ADGRL2: variants seen among roughly 807,000 people sequenced by gnomAD.
ADGRL2 encodes the protein calcium-independent alpha-latrotoxin receptor 2.
Under a neutral mutation model 157.4 loss-of-function variants are expected in ADGRL2, and 44 were observed. The ratio of observed to expected loss-of-function variants is 0.28; its 90% CI spans 0.22 to 0.36. The LOEUF is 0.36. ADGRL2 is among the 10% of genes least tolerant of loss of function. The pLI is 1.00. For synonymous variants in ADGRL2, 585 were observed against 624.7 expected (o/e 0.94, Z 0.95); for missense variants, 1,510 against 1,768.9 (o/e 0.85, Z 2.63).
At chr1:81,590,161 C>A (rs2081103802) in intron 3 of ADGRL2, among the ~76,000 whole-genome samples, 1 of 152,142 alleles carries the variant, frequency 6.6e-6, no homozygotes, top group African/African-American at 2.4e-5. Context: ...GTTCCTGTCT[C>A]ATGGAGACCC....
intron 1 of ADGRL2, among the ~76,000 whole-genome samples, chr1:81,332,211 T>A (rs1165129140): frequency 6.6e-6 from 1 of 152,166 alleles, no homozygotes; most frequent in Non-Finnish European, 1.5e-5. Flanking sequence ...AAGTTTTATA[T>A]TCAGAAATAT....
intron 1 of ADGRL2, among the ~76,000 whole-genome samples, chr1:81,746,914 A>G (rs918278610): frequency 1.3e-5 from 2 of 149,688 alleles, no homozygotes; most frequent in Non-Finnish European, 3.0e-5. Flanking sequence ...ACACGTGCAC[A>G]CGTATATACG....
chr1:81,979,951 A>G lies in ADGRL2; in HGVS notation c.3104A>G (p.Glu1035Gly). Residue 1035 changes from glutamate (E) to glycine (G), a missense_variant, in exon 18 of 24, where the codon GAA becomes GGA. Glu to Gly is a moderately conservative substitution (Grantham distance 98). Around this residue, in one of 4 missense-constraint regions of ADGRL2, gnomAD observed 497 missense variants for 627.2 expected, o/e 0.79. Coordinates refer to ENST00000686636, the MANE Select transcript of ADGRL2 (RefSeq NM_001366006.2). ...NTLKPDSSRL[E>G]NIKSWVLGAF... ...TTGAAACCAGATTCTAGCAGGTTGG[A>G]AAACATTAAGTAAGTATTTTGTATT... 1 of 1,589,306 alleles carries G rather than the reference A, an allele frequency of 6.3e-7. No individual in the cohort carries two copies. Among genetic ancestry groups the G allele is most frequent in the South Asian group, 1.1e-5 (1 of 90,372 alleles).
At chr1:81,341,035 T>A (rs1009132739) in intron 1 of ADGRL2, among the ~76,000 whole-genome samples, 1 of 152,080 alleles carries the variant, frequency 6.6e-6, no homozygotes, top group African/African-American at 2.4e-5. Flanking sequence ...TTGAAACCTA[T>A]CACATGTCTA....
rs542679261 is a variant in ADGRL2, at chr1:81,812,937, GT to G, written c.-101+11872del. On this transcript the variant is annotated intron_variant, in intron 1 of 23. Coordinates refer to ENST00000686636, the MANE Select transcript of ADGRL2 (RefSeq NM_001366006.2). ...AGTACTTGATTGAAACCTGAATTCT[GT>G]TTATGACTCTGTGCCAGCTGAATTT... 3.4e-4 allele frequency among the ~76,000 whole-genome samples: 52 copies of G among 151,906 alleles called. No homozygotes were observed. In the South Asian group the frequency reaches 0.011, roughly 31 times the overall value.
At chr1:81,435,977 C>A (rs2101645274) in intron 1 of ADGRL2, among the ~76,000 whole-genome samples, 1 of 152,172 alleles carries the variant, frequency 6.6e-6, no homozygotes, top group Middle Eastern at 3.4e-3. Context: ...ATGCTGTAAT[C>A]CCAGCTACTC....
chr1:81,697,885 TAG>T (rs961927947), upstream of ADGRL2, among the ~76,000 whole-genome samples: 6 of 152,108 alleles, frequency 3.9e-5, no homozygotes, highest in Non-Finnish European at 8.8e-5. Context: ...TTATTAGAAA[TAG>T]AGTGCAGAAC....
chr1:81,984,557 C>A, intron 19 of ADGRL2, 26 bp from the exon 20 acceptor site: 2 of 1,560,288 alleles, frequency 1.3e-6, no homozygotes, highest in Non-Finnish European at 8.7e-7. Flanking sequence ...ATATTAATCC[C>A]TTGGTCTTGT....
rs1648884007 is a variant in ADGRL2, at chr1:81,943,874, TAAAGGAC to T, written c.1210+115_1210+121del. On this transcript the variant is annotated intron_variant, in intron 6 of 23. Coordinates refer to ENST00000686636, the MANE Select transcript of ADGRL2 (RefSeq NM_001366006.2). This position sits in a 1 kb window ranked among gnomAD's most constrained non-coding sequence, Gnocchi z 5.6. ...CCTATTTTCTTCCCCTTTTCATAGT[TAAAGGAC>T]AAAGGACAATGTTGTGGTACATTTT... 1 of 835,270 alleles carries T rather than the reference TAAAGGAC, an allele frequency of 1.2e-6. No homozygotes were observed. The highest frequency in any genetic ancestry group is 1.9e-6 in the Non-Finnish European group (1 of 533,430). 51.7% of individuals were successfully genotyped at this position (835,270 alleles called of 1,614,324 possible). A position where few individuals can be genotyped will look rare whatever the true frequency, so the allele number is the denominator to read the frequency against.
chr1:81,942,211 G>A (rs2148940852), intron 5 of ADGRL2, among the ~76,000 whole-genome samples, 166 bp downstream of exon 5: 1 of 151,962 alleles, frequency 6.6e-6, no homozygotes, highest in Non-Finnish European at 1.5e-5. Flanking sequence ...TTGTATGACT[G>A]CTAAACCTGG....
intron 2 of ADGRL2, among the ~76,000 whole-genome samples, chr1:81,519,290 G>A (rs1271935574): frequency 6.6e-6 from 1 of 152,046 alleles, no homozygotes; most frequent in East Asian, 1.9e-4. Flanking sequence ...TCTACCTATA[G>A]GTATTATCCA....
intron 1 of ADGRL2, among the ~76,000 whole-genome samples, chr1:81,396,138 C>A (rs4285743): frequency 0.45 from 69,085 of 151,984 alleles, 17,139 homozygotes; most frequent in East Asian, 0.9. Context: ...AATCCATGAG[C>A]ATGGGAAGTC....
chr1:81,577,939 C>T (rs1170521015), intron 2 of ADGRL2, among the ~76,000 whole-genome samples: 1 of 152,106 alleles, frequency 6.6e-6, no homozygotes, highest in Non-Finnish European at 1.5e-5. Flanking sequence ...ATTAGGAAAG[C>T]ATTTAAAGTA....
At chr1:81,817,427 TAATA>T (rs1259609541) in intron 1 of ADGRL2, among the ~76,000 whole-genome samples, 1 of 152,108 alleles carries the variant, frequency 6.6e-6, no homozygotes, top group Admixed American at 6.6e-5. Flanking sequence ...ATGAATTTGG[TAATA>T]AATCTAGAAA....
intron 1 of ADGRL2, among the ~76,000 whole-genome samples, chr1:81,436,729 C>T (rs948693449): frequency 6.6e-6 from 1 of 152,172 alleles, no homozygotes; most frequent in Non-Finnish European, 1.5e-5. Context: ...ATCAGTATGC[C>T]AGGGACTGGT....
At chr1:81,362,689 T>C (rs538386228) in intron 1 of ADGRL2, among the ~76,000 whole-genome samples, 1 of 152,090 alleles carries the variant, frequency 6.6e-6, no homozygotes, top group South Asian at 2.1e-4. Context: ...GTTTTTTAAC[T>C]GAAAAAAATG....
At chr1:81,338,288 G>A (rs559988407) in intron 1 of ADGRL2, among the ~76,000 whole-genome samples, 127 of 152,214 alleles carry the variant, frequency 8.3e-4, no homozygotes, top group African/African-American at 2.5e-3. Flanking sequence ...TCTTAAACCC[G>A]GGAGGCAGAA....
At chr1:81,981,106 G>T in intron 18 of ADGRL2, 1 of 441,324 alleles carries the variant, frequency 2.3e-6, no homozygotes, top group Non-Finnish European at 4.4e-6. Context: ...TCTCTTTTCT[G>T]CTTATAATGC....
intron 21 of ADGRL2, among the ~76,000 whole-genome samples, chr1:81,986,165 A>G (rs1440793613): frequency 6.6e-6 from 1 of 152,094 alleles, no homozygotes; most frequent in Non-Finnish European, 1.5e-5. Context: ...AAAAGTTTGT[A>G]ATTTGTCAGT....
Sources: gnomAD v4.1 joint callset for allele counts (sites outside exome capture counted in the v4.1 genomes callset) on GRCh38, gnomAD v4.1.1 for gene constraint, gnomAD v4.1.1 regional missense constraint, Gnocchi (gnomAD v3.1) non-coding constraint, MANE v1.5 for transcripts, NCBI Gene and HGNC (gene_info 2026-07-23, HGNC 2026-07-21) for gene names.